The following DIAPH3 variants were observed in gnomAD, a reference collection of about 807,000 sequenced individuals.
The protein encoded by DIAPH3 is diaphanous related formin 3, also known as protein diaphanous homolog 3.
In DIAPH3, 117 loss-of-function variants were observed where a neutral mutation model predicts 144.3. The ratio of observed to expected loss-of-function variants is 0.81; its 90% CI spans 0.70 to 0.95. The LOEUF (loss-of-function observed/expected upper bound fraction) is 0.95. Ranked by LOEUF, DIAPH3 falls within the 40% of genes least tolerant of loss-of-function variation. The probability of loss-of-function intolerance (pLI) is 0.00; values close to 1 mark genes in which losing one functional copy is unlikely to be tolerated. For synonymous variants in DIAPH3, 519 were observed against 488.9 expected, an observed-to-expected ratio of 1.06 and a Z score of -0.81; for missense variants, 1,421 against 1,412.7, an observed-to-expected ratio of 1.01 and a Z score of -0.09.
chr13:60,002,911 G>A (rs2052604749), intron 9 of DIAPH3, among the ~76,000 whole-genome samples: 1 of 152,072 alleles, frequency 6.6e-6, no homozygotes, highest in African/African-American at 2.4e-5. Flanking sequence ...AGAGTAGACA[G>A]AAGACACAGA....
intron 24 of DIAPH3, among the ~76,000 whole-genome samples, chr13:59,815,083 T>C (rs766180375): frequency 1.3e-5 from 2 of 152,220 alleles, no homozygotes; most frequent in African/African-American, 4.8e-5. Context: ...AAAAATCCAT[T>C]CATTCATTGT....
chr13:60,072,236 C>G (rs1241441131), intron 4 of DIAPH3, among the ~76,000 whole-genome samples: 5 of 152,198 alleles, frequency 3.3e-5, no homozygotes, highest in Non-Finnish European at 7.3e-5. Context: ...CCTAGACTAT[C>G]TCATCTAATT....
At chr13:59,812,177 T>G (rs953364253) in intron 24 of DIAPH3, among the ~76,000 whole-genome samples, 18 of 152,064 alleles carry the variant, frequency 1.2e-4, no homozygotes, top group Non-Finnish European at 1.8e-4. Context: ...TAATAAAGTT[T>G]AATATTTTTG....
At chr13:60,129,832 T>A (rs1392754159) in intron 2 of DIAPH3, among the ~76,000 whole-genome samples, 1 of 152,198 alleles carries the variant, frequency 6.6e-6, no homozygotes, top group Non-Finnish European at 1.5e-5. Flanking sequence ...TAAAGAGCCC[T>A]CAAAATATCC....
intron 17 of DIAPH3, among the ~76,000 whole-genome samples, chr13:59,931,720 A>C (rs543047372): frequency 1.1e-4 from 17 of 152,338 alleles, no homozygotes; most frequent in Admixed American, 4.6e-4. Flanking sequence ...ACTCAGGCTT[A>C]AGCAATCAGA....
chr13:59,839,084 C>T (rs1273023809), intron 23 of DIAPH3: 3 of 369,008 alleles, frequency 8.1e-6, no homozygotes, highest in East Asian at 6.5e-5. Context: ...GCACTCCAGC[C>T]TGGGTTTCAA....
intron 20 of DIAPH3, among the ~76,000 whole-genome samples, chr13:59,884,183 G>A (rs1188483302): frequency 6.6e-6 from 1 of 152,170 alleles, no homozygotes; most frequent in African/African-American, 2.4e-5. Flanking sequence ...GCACGCAAAA[G>A]ATCTAGGTTG....
At chr13:60,138,665 CTAAG>C in intron 1 of DIAPH3, among the ~76,000 whole-genome samples, 1 of 152,084 alleles carries the variant, frequency 6.6e-6, no homozygotes, top group Non-Finnish European at 1.5e-5. Flanking sequence ...AACTTAGTAC[CTAAG>C]TATTAAAGAT....
intron 27 of DIAPH3, among the ~76,000 whole-genome samples, chr13:59,711,344 T>C (rs752676321): frequency 1.3e-3 from 203 of 152,236 alleles, no homozygotes; most frequent in Non-Finnish European, 2.3e-3. Context: ...GGTTTTTTTT[T>C]CCCTATAATC....
chr13:59,822,509 C>T (rs1188452547), intron 24 of DIAPH3, among the ~76,000 whole-genome samples: 8 of 152,052 alleles, frequency 5.3e-5, no homozygotes, highest in Admixed American at 6.5e-5. Flanking sequence ...GGTGCGATCT[C>T]GGCTCACTGC....
chr13:59,878,342 A>G (rs2044764156), intron 21 of DIAPH3, among the ~76,000 whole-genome samples: 2 of 152,320 alleles, frequency 1.3e-5, no homozygotes, highest in Non-Finnish European at 2.9e-5. Context: ...TAGGCCAGGG[A>G]AATTGTATAA....
chr13:59,667,100 C>A (rs535641719), intron 27 of DIAPH3, among the ~76,000 whole-genome samples: 2 of 152,176 alleles, frequency 1.3e-5, no homozygotes, highest in Non-Finnish European at 2.9e-5. Flanking sequence ...GCCTGACATG[C>A]CTGTCACGTG....
chr13:59,888,543 C>A (rs1414834133), intron 20 of DIAPH3, among the ~76,000 whole-genome samples: 1 of 151,960 alleles, frequency 6.6e-6, no homozygotes, highest in African/African-American at 2.4e-5. Context: ...TATATTTTCT[C>A]TGGTTTGTCT....
At chr13:59,983,654 T>G (rs1046712502) in intron 13 of DIAPH3, 115 bp downstream of exon 13, 7 of 702,688 alleles carry the variant, frequency 1.0e-5, no homozygotes, top group Non-Finnish European at 1.7e-5. Context: ...TGAAAACAGT[T>G]TTGACAATTA....
chr13:59,789,643 T>A (rs2039226826), intron 25 of DIAPH3, among the ~76,000 whole-genome samples: 1 of 152,096 alleles, frequency 6.6e-6, no homozygotes, highest in Admixed American at 6.6e-5. Context: ...CAGTGAGTGG[T>A]GCCTGGAACA....
chr13:59,861,273 T>G, intron 22 of DIAPH3, 134 bp downstream of exon 22: 1 of 1,547,520 alleles, frequency 6.5e-7, no homozygotes, highest in Non-Finnish European at 8.7e-7. Flanking sequence ...ACAACTCTCT[T>G]TATTTTTAAA....
chr13:59,829,281 T>A (rs1167952107), intron 24 of DIAPH3, among the ~76,000 whole-genome samples: 2 of 151,990 alleles, frequency 1.3e-5, no homozygotes, highest in African/African-American at 4.8e-5. Flanking sequence ...TCCAAAAAAA[T>A]GGCCACTTTT....
chr13:60,030,854 T>A (rs972583201), intron 5 of DIAPH3, among the ~76,000 whole-genome samples: 1 of 152,240 alleles, frequency 6.6e-6, no homozygotes, highest in African/African-American at 2.4e-5. Context: ...GCTTCTGTAA[T>A]GAACAAGACA....
At chr13:60,151,902 AT>A (rs1951805650) in intron 1 of DIAPH3, among the ~76,000 whole-genome samples, 1 of 152,188 alleles carries the variant, frequency 6.6e-6, no homozygotes, top group Non-Finnish European at 1.5e-5. Context: ...CAGGCTGTCA[AT>A]TTTTTCATTA....
Sources: allele counts gnomAD v4.1 joint callset (sites outside exome capture counted in the v4.1 genomes callset), GRCh38; gene constraint gnomAD v4.1.1; transcripts MANE v1.5; gene names NCBI Gene and HGNC (gene_info 2026-07-23, HGNC 2026-07-21).